CFH: variants seen among roughly 807,000 people sequenced by gnomAD.
CFH encodes complement factor H.
A neutral mutation model predicts 147.3 loss-of-function variants in CFH; 53 were observed. The observed-to-expected ratio is 0.36, with a 90% CI of 0.29 to 0.45. CFH has a LOEUF of 0.45. Among genes scored for constraint, CFH ranks in the 20% least tolerant of loss-of-function variants. CFH has a pLI of 1.00. For missense variants in CFH, 1,380 were observed against 1,498.0 expected, an observed-to-expected ratio of 0.92 and a Z score of 1.30; for synonymous variants, 536 against 489.4, an observed-to-expected ratio of 1.10 and a Z score of -1.26.
At chr1:196,715,478 G>T (rs764468412) in intron 10 of CFH, 115 bp from the exon 11 acceptor site, 8 of 784,476 alleles carry the variant, frequency 1.0e-5, no homozygotes, top group Admixed American at 4.1e-5. Context: ...TTTTTGTACG[G>T]TACCTATTTA....
chr1:196,733,230 G>A lies in CFH; in HGVS notation c.2414-3594G>A, dbSNP rs2149111384. On this transcript the variant is annotated intron_variant, in intron 15 of 21. Transcript: ENST00000367429. Reference sequence around the variant, plus strand: ...TTGCGTCATTAGATACCCTGTGCAAGCTCGATAGAGGCCAGTTCATTAAGT... The same window carrying A: ...TTGCGTCATTAGATACCCTGTGCAAACTCGATAGAGGCCAGTTCATTAAGT... 2.0e-5 allele frequency among the ~76,000 whole-genome samples: 3 copies of A among 152,146 alleles called. No homozygotes were observed. The East Asian group carries it at 5.8e-4, about 29-fold the overall frequency.
At position 196,666,369 on chromosome 1, in the gene CFH, AT is replaced by A. The variant is rs377008172; in HGVS notation, c.59-6602del. On this transcript the variant is annotated intron_variant, in intron 1 of 21. Coordinates refer to ENST00000367429, the MANE Select transcript of CFH (RefSeq NM_000186.4). The stretch of plus-strand genomic sequence containing the variant: ...TTTATTTCTAATTCATTCGAGTTAT[AT>A]TTTTTTCTCTCTAATCAGTGCTTCA... Among the ~76,000 whole-genome samples the A allele has an allele frequency of 1.8e-3, 272 of 152,076 alleles. 2 individuals are homozygous for A. The highest frequency in any genetic ancestry group is 6.3e-3 in the African/African-American group (263 of 41,492).
chr1:196,739,575 G>T (rs1652732364), intron 17 of CFH, among the ~76,000 whole-genome samples: 1 of 152,102 alleles, frequency 6.6e-6, no homozygotes, highest in African/African-American at 2.4e-5. Context: ...CCCCATCCTG[G>T]ACTTCATTGT....
intron 1 of CFH, among the ~76,000 whole-genome samples, chr1:196,666,310 A>G (rs191161799): frequency 6.6e-6 from 1 of 152,276 alleles, no homozygotes; most frequent in Admixed American, 6.5e-5. Context: ...AGTTTCTTGA[A>G]TTAGAAATTT....
Position 196,747,273 on chromosome 1 carries a change from G to T in CFH, c.3656G>T (p.Trp1219Leu), listed in dbSNP as rs778857757. 1 of 1,613,930 alleles carries T rather than the reference G, an allele frequency of 6.2e-7. No individual in the cohort carries two copies. The highest frequency in any genetic ancestry group is 8.5e-7 in the Non-Finnish European group (1 of 1,179,940). ...TCTCACACATTGCGAACAACATGTTGGGATGGGAAACTGGAGTATCCAACT... is the reference window on the plus strand; with the variant it reads ...TCTCACACATTGCGAACAACATGTTTGGATGGGAAACTGGAGTATCCAACT... Reference protein sequence around the residue: ...SRSHTLRTTCWDGKLEYPTCA... With the variant: ...SRSHTLRTTCLDGKLEYPTCA... Residue 1219 changes from tryptophan to leucine, a missense_variant, in exon 22 of 22, where the codon TGG (tryptophan) becomes TTG (leucine). Physicochemically the swap from Trp to Leu is moderately conservative, Grantham distance 61 (BLOSUM62 -2). This residue lies in a region of CFH where 123 missense variants were observed against 185.3 expected (regional missense o/e 0.66). Transcript: ENST00000367429.
intron 9 of CFH, among the ~76,000 whole-genome samples, chr1:196,704,147 G>T (rs1004492912): frequency 6.6e-6 from 1 of 151,972 alleles, no homozygotes; most frequent in Non-Finnish European, 1.5e-5. Context: ...GCACGATTGT[G>T]GCTCACTGCA....
At position 196,731,262 on chromosome 1, in the gene CFH, AG is replaced by A. The variant is rs1472813025; in HGVS notation, c.2413+2742del. ...AGATGTTTTGCTTTTGGCTATCCTT[AG>A]GCTTGCATAGCATACCTTATAAAAG... On this transcript the variant is annotated intron_variant, in intron 15 of 21. Coordinates refer to ENST00000367429, the MANE Select transcript of CFH (RefSeq NM_000186.4). Among the ~76,000 whole-genome samples, 9 of 151,810 alleles carry A rather than the reference AG, an allele frequency of 5.9e-5. No individual in the cohort carries two copies. The East Asian group carries it at 1.7e-3, about 29-fold the overall frequency.
chr1:196,671,092 A>T (rs971158070), intron 1 of CFH, among the ~76,000 whole-genome samples: 1 of 152,082 alleles, frequency 6.6e-6, no homozygotes, highest in African/African-American at 2.4e-5. Flanking sequence ...GATTCTTAAA[A>T]CCATCTGACA....
intron 9 of CFH, among the ~76,000 whole-genome samples, chr1:196,696,233 A>G (rs923185870): frequency 2.0e-5 from 3 of 152,146 alleles, no homozygotes; most frequent in South Asian, 2.1e-4. Context: ...CAGCAAACGC[A>G]AAAGAACAAA....
Position 196,726,896 on chromosome 1 carries a change from T to C in CFH, c.2192T>C (p.Ile731Thr). The C allele has an allele frequency of 6.2e-7, 1 of 1,613,800 alleles. No homozygotes were observed. The highest frequency in any genetic ancestry group is 8.5e-7 in the Non-Finnish European group (1 of 1,179,768). Residue 731 changes from isoleucine to threonine, a missense_variant, in exon 14 of 22, where the codon ATT becomes ACT. This residue lies in a region of CFH where 830 missense variants were observed against 821.4 expected (regional missense o/e 1.01). Transcript: ENST00000367429. ...ESFTMIGHRS[I>T]TCIHGVWTQL... ...TTTACAATGATTGGACACAGATCAA[T>C]TACGTGTATTCATGGAGTATGGACC...
intron 15 of CFH, among the ~76,000 whole-genome samples, chr1:196,730,570 C>T (rs1558180704): frequency 6.6e-6 from 1 of 151,612 alleles, no homozygotes; most frequent in Admixed American, 6.6e-5. Context: ...GTGGAATGTT[C>T]TTTATATGTC....
intron 9 of CFH, chr1:196,690,452 G>A (rs1667986624): frequency 6.0e-6 from 4 of 662,306 alleles, no homozygotes; most frequent in Admixed American, 2.3e-5. Context: ...CTATTAATGG[G>A]CATTAGTCAA....
chr1:196,695,592 T>A (rs896781796), intron 9 of CFH, among the ~76,000 whole-genome samples: 2 of 152,166 alleles, frequency 1.3e-5, no homozygotes, highest in African/African-American at 4.8e-5. Context: ...TCAACTACTT[T>A]GGGCAATATG....
chr1:196,668,951 CA>C (rs1264800764), intron 1 of CFH, among the ~76,000 whole-genome samples: 1 of 152,072 alleles, frequency 6.6e-6, no homozygotes, highest in Non-Finnish European at 1.5e-5. Context: ...TTGGAGGTCT[CA>C]AAAGAAGACA....
At chr1:196,672,861 AG>A (rs1667329474) in intron 1 of CFH, 116 bp from the exon 2 acceptor site, 1 of 744,136 alleles carries the variant, frequency 1.3e-6, no homozygotes, top group African/African-American at 1.8e-5. Flanking sequence ...AGAGAGAGAG[AG>A]AGAAATTTAG....
At chr1:196,743,924 T>C (rs430173) in intron 20 of CFH, among the ~76,000 whole-genome samples, 1 of 151,784 alleles carries the variant, frequency 6.6e-6, no homozygotes, top group Admixed American at 6.5e-5. Context: ...TATGTGCATT[T>C]GACAGCCATA....
At chr1:196,746,407 C>T (rs548788289) in intron 21 of CFH, among the ~76,000 whole-genome samples, 1 of 152,118 alleles carries the variant, frequency 6.6e-6, no homozygotes, top group African/African-American at 2.4e-5. Flanking sequence ...GCCGAGTTCG[C>T]GCCACTGCAC....
At chr1:196,693,991 T>TGTG (rs71131721) in intron 9 of CFH, among the ~76,000 whole-genome samples, 5 of 149,932 alleles carry the variant, frequency 3.3e-5, no homozygotes, top group East Asian at 2.0e-4. Flanking sequence ...TGTGTGTGTG[T>TGTG]TTTATTATTA....
In CFH at chr1:196,690,094, A is replaced by G; in HGVS notation, c.1191A>G (p.Gly397=). 6.2e-7 allele frequency: 1 copy of G among 1,611,086 alleles called. No individual in the cohort carries two copies. Among genetic ancestry groups the G allele is most frequent in the Non-Finnish European group, 8.5e-7 (1 of 1,177,746 alleles). ...RKCYFPYLEN[G]YNQNHGRKFV... is the part of the protein sequence containing the mutation. ...GTTATTTTCCTTATTTGGAAAATGG[A>G]TATAATCAAAATCATGGAAGAAAGT... The change falls in exon 9 of 22, where the codon GGA becomes GGG. Residue 397 remains glycine, a synonymous_variant. Transcript: ENST00000367429.
Sources: allele counts gnomAD v4.1 joint callset (sites outside exome capture counted in the v4.1 genomes callset), GRCh38; gene constraint gnomAD v4.1.1; regional missense constraint gnomAD v4.1.1; transcripts MANE v1.5; gene names NCBI Gene and HGNC (gene_info 2026-07-23, HGNC 2026-07-21).